Variants in PDE4D observed in about 807,000 individuals in gnomAD.
PDE4D encodes 3',5'-cyclic-AMP phosphodiesterase 4D.
A neutral mutation model predicts 87.4 loss-of-function variants in PDE4D; 24 were observed. The ratio of observed to expected loss-of-function variants is 0.27; its 90% CI spans 0.20 to 0.39. The LOEUF (loss-of-function observed/expected upper bound fraction) is 0.39. PDE4D is among the 10% of genes least tolerant of loss of function. The pLI is 1.00. For missense variants in PDE4D, 714 were observed against 1,041.0 expected, an observed-to-expected ratio of 0.69 and a Z score of 4.32; for synonymous variants, 384 against 383.2, an observed-to-expected ratio of 1.00 and a Z score of -0.02.
intron 1 of PDE4D, among the ~76,000 whole-genome samples, chr5:59,490,767 T>C (rs1397124108): frequency 1.3e-5 from 2 of 152,230 alleles, no homozygotes; most frequent in South Asian, 4.1e-4. Flanking sequence ...CAGGTAAAGA[T>C]ATAATACATT....
intron 2 of PDE4D, among the ~76,000 whole-genome samples, chr5:60,037,195 T>A (rs1434362945): frequency 6.6e-6 from 1 of 152,196 alleles, no homozygotes; most frequent in African/African-American, 2.4e-5. Flanking sequence ...CATTATATAA[T>A]CTTGAAGTTT....
At chr5:59,305,017 G>T (rs255655) in intron 1 of PDE4D, among the ~76,000 whole-genome samples, 100,318 of 151,872 alleles carry the variant, frequency 0.66, 34,255 homozygotes, top group African/African-American at 0.83. Context: ...TGAATCTGTC[G>T]GGTCTTGGAC....
chr5:59,586,902 T>TA (rs951222178), intron 1 of PDE4D: 2 of 985,350 alleles, frequency 2.0e-6, no homozygotes, highest in African/African-American at 1.7e-5. Context: ...CATATTCATG[T>TA]ATGGTCACTT....
At chr5:60,202,355 T>C (rs1055487295) in intron 1 of PDE4D, among the ~76,000 whole-genome samples, 1 of 152,060 alleles carries the variant, frequency 6.6e-6, no homozygotes, top group Non-Finnish European at 1.5e-5. Flanking sequence ...TTTGTAAAGA[T>C]AGAGTTTCCT....
At chr5:59,626,020 G>C (rs1048683964) in intron 1 of PDE4D, among the ~76,000 whole-genome samples, 1 of 152,194 alleles carries the variant, frequency 6.6e-6, no homozygotes, top group East Asian at 1.9e-4. Flanking sequence ...CCCAGGAGGC[G>C]GAGCTTGCAG....
chr5:59,503,792 A>G (rs978038731), intron 1 of PDE4D, among the ~76,000 whole-genome samples: 2 of 152,136 alleles, frequency 1.3e-5, no homozygotes, highest in East Asian at 1.9e-4. Context: ...AACAAAGGCT[A>G]TTTTGGAGTT....
At chr5:59,508,015 C>T (rs1253399400) in intron 1 of PDE4D, among the ~76,000 whole-genome samples, 1 of 152,164 alleles carries the variant, frequency 6.6e-6, no homozygotes, top group Non-Finnish European at 1.5e-5. Context: ...TGGATGATTG[C>T]TTTAAATCAT....
At chr5:59,854,531 C>T (rs575668720) in intron 1 of PDE4D, among the ~76,000 whole-genome samples, 22 of 152,006 alleles carry the variant, frequency 1.4e-4, no homozygotes, top group Non-Finnish European at 2.5e-4. Context: ...TGAAGTTGTG[C>T]TTAGAGGGTA....
upstream of PDE4D, among the ~76,000 whole-genome samples, chr5:60,488,574 G>A (rs1455187103): frequency 6.6e-6 from 1 of 151,644 alleles, no homozygotes; most frequent in Non-Finnish European, 1.5e-5. Context: ...GAAGTCTGAG[G>A]AGGGGGAGAA....
Position 59,046,438 on chromosome 5 carries a change from G to GTGTA in PDE4D, c.809-7468_809-7467insTACA, listed in dbSNP as rs1554055521. Among the ~76,000 whole-genome samples, 377 of 151,572 alleles carry GTGTA rather than the reference G, an allele frequency of 2.5e-3. 14 individuals carry two copies. In the East Asian group the frequency reaches 0.064, roughly 26 times the overall value. On this transcript the variant is annotated intron_variant, in intron 5 of 14. Transcript: ENST00000340635. The stretch of plus-strand genomic sequence containing the variant: ...AGAGAGAATGTGTGTGTGTGTGTGT[G>GTGTA]TGTGTATGTGTGTGTAAGAGAAAGG...
In PDE4D at chr5:59,175,471, C is replaced by CTTTTTTT. The variant is rs563138575; in HGVS notation, c.808+5117_808+5123dup. On this transcript the variant is annotated intron_variant, in intron 5 of 14. Transcript: ENST00000340635. ...TTCGGAACTCTATCCATTTTTCTTT[C>CTTTTTTT]TTTTTTTTTTTTTTTTTTTTTTTTT... Among the ~76,000 whole-genome samples, 18 of 91,206 alleles carry CTTTTTTT rather than the reference C, an allele frequency of 2.0e-4. 1 individual carries two copies. The highest frequency in any genetic ancestry group is 8.3e-4 in the East Asian group (2 of 2,420). The allele number at this position is 91,206 out of a possible 152,430, so 59.8% of individuals were successfully genotyped here.
chr5:59,431,926 G>T (rs891861744), intron 1 of PDE4D, among the ~76,000 whole-genome samples: 2 of 152,016 alleles, frequency 1.3e-5, no homozygotes, highest in Non-Finnish European at 2.9e-5. Flanking sequence ...ATAGCCTCCA[G>T]TTCCATCCAT....
At chr5:59,714,614 TGCCAC>T (rs1306955694) in intron 1 of PDE4D, among the ~76,000 whole-genome samples, 5 of 152,230 alleles carry the variant, frequency 3.3e-5, no homozygotes, top group Admixed American at 2.6e-4. Context: ...ATTTGGACAG[TGCCAC>T]TATGTGGTGG....
At chr5:59,048,355 G>T (rs1218474849) in intron 5 of PDE4D, among the ~76,000 whole-genome samples, 2 of 152,136 alleles carry the variant, frequency 1.3e-5, no homozygotes, top group Non-Finnish European at 2.9e-5. Flanking sequence ...ATCAATCTTA[G>T]GATATAACAG....
intron 1 of PDE4D, among the ~76,000 whole-genome samples, chr5:59,655,838 C>T (rs1352153163): frequency 2.6e-5 from 4 of 152,260 alleles, no homozygotes; most frequent in South Asian, 4.2e-4. Context: ...GCAGGCTAAG[C>T]GCTTCCAAAT....
At chr5:60,185,520 T>C in intron 2 of PDE4D, 11 of 1,368,198 alleles carry the variant, frequency 8.0e-6, no homozygotes, top group Non-Finnish European at 1.1e-5. Flanking sequence ...TATATGTACA[T>C]GTGTTTAGAA....
intron 2 of PDE4D, among the ~76,000 whole-genome samples, chr5:60,144,813 C>G (rs533528624): frequency 3.3e-5 from 5 of 152,244 alleles, no homozygotes; most frequent in Admixed American, 3.3e-4. Context: ...CAACATGGCA[C>G]CAATTGCCAT....
intron 1 of PDE4D, among the ~76,000 whole-genome samples, chr5:59,355,847 T>G (rs1375030599): frequency 6.6e-6 from 1 of 152,142 alleles, no homozygotes; most frequent in Non-Finnish European, 1.5e-5. Flanking sequence ...CTTTGAATGT[T>G]TTATATGCAG....
intron 2 of PDE4D, among the ~76,000 whole-genome samples, chr5:60,070,211 T>C (rs1396041177): frequency 6.6e-6 from 1 of 152,150 alleles, no homozygotes; most frequent in African/African-American, 2.4e-5. Context: ...GGGCTTCAAG[T>C]ATCCTGCTGA....
Sources: gnomAD v4.1 joint callset for allele counts (sites outside exome capture counted in the v4.1 genomes callset) on GRCh38, gnomAD v4.1.1 for gene constraint, MANE v1.5 for transcripts, NCBI Gene and HGNC (gene_info 2026-07-23, HGNC 2026-07-21) for gene names.